TTLL11: variants seen among roughly 807,000 people sequenced by gnomAD.
The protein encoded by TTLL11 is tubulin tyrosine ligase like 11, also known as tubulin polyglutamylase TTLL11.
In TTLL11, 42 loss-of-function variants were observed where a neutral mutation model predicts 51.7. That is an observed-to-expected ratio of 0.81 (90% CI 0.64 to 1.05). The LOEUF is 1.05. Ranked by LOEUF, TTLL11 falls within the 50% of genes least tolerant of loss-of-function variation. TTLL11 has a pLI of 0.00. For missense variants in TTLL11, 799 were observed against 940.4 expected (o/e 0.85, Z 1.97); for synonymous variants, 381 against 383.5 (o/e 0.99, Z 0.08).
intron 6 of TTLL11, among the ~76,000 whole-genome samples, chr9:121,934,129 A>T (rs1182088851): frequency 6.6e-6 from 1 of 152,094 alleles, no homozygotes; most frequent in Non-Finnish European, 1.5e-5. Context: ...GCTACTTGGG[A>T]GGCTGAGGCA....
At chr9:121,938,288 C>CAAAAAAAAAAAAAAAAAAAAAAAACAAAA (rs772725991) in intron 6 of TTLL11, among the ~76,000 whole-genome samples, 1 of 133,674 alleles carries the variant, frequency 7.5e-6, no homozygotes, top group Non-Finnish European at 1.6e-5. Context: ...GACGCTGTCT[C>CAAAAAAAAAAAAAAAAAAAAAAAACAAAA]AAAAAGAAAA....
At chr9:122,084,424 GATACGAGGAGGAA>G (rs890706594) in intron 1 of TTLL11, among the ~76,000 whole-genome samples, 4 of 152,266 alleles carry the variant, frequency 2.6e-5, no homozygotes, top group African/African-American at 9.6e-5. Flanking sequence ...GGCACAATTT[GATACGAGGAGGAA>G]GGAGAGATGC....
At chr9:122,051,112 T>C (rs1348283621) in intron 1 of TTLL11, among the ~76,000 whole-genome samples, 2 of 152,184 alleles carry the variant, frequency 1.3e-5, no homozygotes, top group Admixed American at 6.5e-5. Context: ...GAATTTAAGA[T>C]TAATATATCC....
rs1452062507 is a variant in TTLL11, at chr9:121,853,578, A to G, written c.1840+6759T>C. Among the ~76,000 whole-genome samples, 2 of 152,116 alleles carry G rather than the reference A, an allele frequency of 1.3e-5. No homozygotes were observed. The highest frequency in any genetic ancestry group is 2.4e-5 in the African/African-American group (1 of 41,424). On this transcript the variant is annotated intron_variant, in intron 8 of 8. Transcript: ENST00000321582. The surrounding 1 kb of genome is among the most constrained non-coding windows in gnomAD (Gnocchi z 5.6). ...GCTCTCAAGGCCCTGAAATGCGCCA[A>G]TGTCCTCCCCTGGGGTTGGAATTGT...
At chr9:121,826,649 C>T (rs1286195055) in intron 8 of TTLL11, among the ~76,000 whole-genome samples, 1 of 149,550 alleles carries the variant, frequency 6.7e-6, no homozygotes, top group Non-Finnish European at 1.5e-5. Context: ...TCATGCACTG[C>T]TGCTTCTGCA....
At chr9:122,028,216 G>T (rs1328060633) in intron 3 of TTLL11, among the ~76,000 whole-genome samples, 1 of 152,102 alleles carries the variant, frequency 6.6e-6, no homozygotes, top group African/African-American at 2.4e-5. Context: ...AAATAGAAAA[G>T]AAATAGTAAG....
At chr9:121,998,860 GAACTCCTGAGCTCAA>G (rs913820325) in intron 3 of TTLL11, among the ~76,000 whole-genome samples, 3 of 151,760 alleles carry the variant, frequency 2.0e-5, no homozygotes, top group African/African-American at 7.3e-5. Context: ...GGCTAGTCTC[GAACTCCTGAGCTCAA>G]GCAGTCCTCC....
intron 8 of TTLL11, among the ~76,000 whole-genome samples, chr9:121,834,381 G>A (rs187875055): frequency 7.2e-4 from 109 of 152,244 alleles, no homozygotes; most frequent in Non-Finnish European, 8.5e-4. Context: ...AGCTGGTCCG[G>A]GTCCCAGCTC....
At chr9:121,928,744 C>T (rs1840848473) in intron 6 of TTLL11, among the ~76,000 whole-genome samples, 1 of 151,620 alleles carries the variant, frequency 6.6e-6, no homozygotes, top group African/African-American at 2.4e-5. Context: ...CGGCCTGTTT[C>T]TTTTTTTCAA....
intron 1 of TTLL11, among the ~76,000 whole-genome samples, chr9:122,059,206 AATTCATCCACTTGACAAAC>A (rs1845375937): frequency 6.6e-6 from 1 of 152,176 alleles, no homozygotes; most frequent in Admixed American, 6.5e-5. Flanking sequence ...CTAATTAATT[AATTCATCCACTTGACAAAC>A]ATTAATCGAA....
Position 121,826,547 on chromosome 9 carries a change from A to ATGTG in TTLL11, c.1841-3669_1841-3668insCACA, listed in dbSNP as rs1564260568. 4.8e-3 allele frequency among the ~76,000 whole-genome samples: 167 copies of ATGTG among 35,082 alleles called. 9 individuals carry two copies. The highest frequency in any genetic ancestry group is 0.018 in the African/African-American group (160 of 8,682). The allele number at this position is 35,082 out of a possible 152,430, so 23.0% of individuals were successfully genotyped here. A position where few individuals can be genotyped will look rare whatever the true frequency, so the allele number is the denominator to read the frequency against. On this transcript the variant is annotated intron_variant, in intron 8 of 8. Coordinates refer to ENST00000321582, the MANE Select transcript of TTLL11 (RefSeq NM_001139442.2). ...TATATATGTGTGTGTGTATATATATATATGTGTGTGTATATATATATATAT... is the reference window on the plus strand; with the variant it reads ...TATATATGTGTGTGTGTATATATATATGTGTATGTGTGTGTATATATATATATAT...
chr9:122,022,385 C>G (rs1306448429), intron 3 of TTLL11, among the ~76,000 whole-genome samples: 1 of 150,912 alleles, frequency 6.6e-6, no homozygotes, highest in East Asian at 1.9e-4. Flanking sequence ...TTAAAAGCAG[C>G]AAGAGAAAAA....
chr9:121,937,882 C>A (rs930898654), intron 6 of TTLL11, among the ~76,000 whole-genome samples: 2 of 152,000 alleles, frequency 1.3e-5, no homozygotes, highest in Non-Finnish European at 2.9e-5. Flanking sequence ...TATATAATTA[C>A]CAAGGTTTAT....
chr9:121,841,795 C>T (rs12339343), intron 8 of TTLL11, among the ~76,000 whole-genome samples: 1,700 of 152,140 alleles, frequency 0.011, 13 homozygotes, highest in African/African-American at 0.021. Context: ...CAGCAGCCGT[C>T]GGCTTGACCC....
At chr9:121,981,477 T>C (rs535067254) in intron 4 of TTLL11, among the ~76,000 whole-genome samples, 15 of 152,382 alleles carry the variant, frequency 9.8e-5, no homozygotes, top group African/African-American at 3.6e-4. Context: ...ATAGTTATAA[T>C]AGCTGTTTTA....
intron 6 of TTLL11, among the ~76,000 whole-genome samples, chr9:121,893,314 C>CTCTG (rs59031238): frequency 0.49 from 74,248 of 151,390 alleles, 18,310 homozygotes; most frequent in Middle Eastern, 0.59. Flanking sequence ...AGAATTTCTT[C>CTCTG]TCTGTCTGTC....
At chr9:122,017,941 T>C (rs112232253) in intron 3 of TTLL11, among the ~76,000 whole-genome samples, 375 of 152,322 alleles carry the variant, frequency 2.5e-3, no homozygotes, top group Non-Finnish European at 4.1e-3. Context: ...GTTATAGCTA[T>C]ATTTGTTTAT....
Position 121,948,718 on chromosome 9 carries a change from G to A in TTLL11, c.1481+25291C>T, listed in dbSNP as rs191090185. Among the ~76,000 whole-genome samples, 3 of 152,318 alleles carry A rather than the reference G, an allele frequency of 2.0e-5. No homozygotes were observed. The East Asian group carries it at 5.8e-4, about 29-fold the overall frequency. Reference sequence around the variant, plus strand: ...GAGTTCAGGATCTGGGGCCTCAAAAGCTGTGGTCCTAACTCTAGCTGCCAA... The same window carrying A: ...GAGTTCAGGATCTGGGGCCTCAAAAACTGTGGTCCTAACTCTAGCTGCCAA... On this transcript the variant is annotated intron_variant, in intron 6 of 8. Transcript: ENST00000321582.
intron 3 of TTLL11, among the ~76,000 whole-genome samples, chr9:121,996,066 G>C (rs576239699): frequency 6.6e-5 from 10 of 152,194 alleles, no homozygotes; most frequent in Non-Finnish European, 1.2e-4. Context: ...TGAGTATCCT[G>C]AGTTTACTGG....
Sources: allele counts gnomAD v4.1 joint callset (sites outside exome capture counted in the v4.1 genomes callset), GRCh38; gene constraint gnomAD v4.1.1; non-coding constraint Gnocchi (gnomAD v3.1); transcripts MANE v1.5; gene names NCBI Gene and HGNC (gene_info 2026-07-23, HGNC 2026-07-21).